GP1BA: variants seen among roughly 807,000 people sequenced by gnomAD.
GP1BA encodes glycoprotein Ib platelet subunit alpha.
A neutral mutation model predicts 5.6 loss-of-function variants in GP1BA; 3 were observed. That is an observed-to-expected ratio of 0.53 (90% CI 0.24 to 1.38). The LOEUF (loss-of-function observed/expected upper bound fraction) is 1.38, where lower values mean the gene tolerates loss of function less well. Ranked by LOEUF, GP1BA falls within the 40% of genes most tolerant of loss-of-function variation. The pLI is 0.16. For synonymous variants in GP1BA, 323 were observed against 358.3 expected (o/e 0.90, Z 1.11); for missense variants, 707 against 801.4 (o/e 0.88, Z 1.42).
Position 4,932,394 on chromosome 17 carries a change from G to A in GP1BA, c.-7+29G>A. On this transcript the variant is annotated intron_variant, in intron 1 of 1. Transcript: ENST00000329125. The surrounding 1 kb of genome is among the most constrained non-coding windows in gnomAD (Gnocchi z 4.8). ...AGCCGGGGTTGGTGCTGGGGCAGGA[G>A]AGGGGTCTGAGGGAGGGGAAAGAGC... 1 of 1,398,924 alleles carries A rather than the reference G, an allele frequency of 7.1e-7. No individual in the cohort carries two copies. 86.7% of individuals were successfully genotyped at this position (1,398,924 alleles called of 1,614,324 possible).
Position 4,932,553 on chromosome 17 carries a change from T to A in GP1BA, c.-6-46T>A. On this transcript the variant is annotated intron_variant, in intron 1 of 1. Coordinates refer to ENST00000329125, the MANE Select transcript of GP1BA (RefSeq NM_000173.7). The surrounding 1 kb of genome is among the most constrained non-coding windows in gnomAD (Gnocchi z 4.8). Reference sequence around the variant, plus strand: ...AGGGGGCTGGGGCCTGGGGGGATGCTTCCAGGGGATGCAGGGGGATCCACT... The same window carrying A: ...AGGGGGCTGGGGCCTGGGGGGATGCATCCAGGGGATGCAGGGGGATCCACT... 1 of 1,569,706 alleles carries A rather than the reference T, an allele frequency of 6.4e-7. No individual in the cohort carries two copies. Among genetic ancestry groups the A allele is most frequent in the Non-Finnish European group, 8.7e-7 (1 of 1,152,360 alleles).
At position 4,932,991 on chromosome 17, in the gene GP1BA, C is replaced by T; in HGVS notation, c.387C>T (p.Thr129=). Residue 129 remains threonine, a synonymous_variant, in exon 2 of 2, where the codon ACC becomes ACT. Coordinates refer to ENST00000329125, the MANE Select transcript of GP1BA (RefSeq NM_000173.7). The surrounding 1 kb of genome is among the most constrained non-coding windows in gnomAD (Gnocchi z 4.8). ...TVLDVSFNRL[T]SLPLGALRGL... ...TGGACGTCTCCTTCAACCGGCTGACCTCGCTGCCTCTTGGTGCCCTGCGTG... is the reference window on the plus strand; with the variant it reads ...TGGACGTCTCCTTCAACCGGCTGACTTCGCTGCCTCTTGGTGCCCTGCGTG... 6.2e-7 allele frequency: 1 copy of T among 1,614,018 alleles called. No individual in the cohort carries two copies. The highest frequency in any genetic ancestry group is 8.5e-7 in the Non-Finnish European group (1 of 1,179,886).
chr17:4,933,253 T>A lies in GP1BA; in HGVS notation c.649T>A (p.Phe217Ile). The A allele has an allele frequency of 1.2e-6, 2 of 1,613,990 alleles. No homozygotes were observed. Among genetic ancestry groups the A allele is most frequent in the Non-Finnish European group, 1.7e-6 (2 of 1,179,888 alleles). Reference sequence around the variant, plus strand: ...TGGGTCCCACCTCCTGCCTTTTGCTTTTCTCCACGGGAACCCCTGGTTATG... The same window carrying A: ...TGGGTCCCACCTCCTGCCTTTTGCTATTCTCCACGGGAACCCCTGGTTATG... ...FFGSHLLPFA[F>I]LHGNPWLCNC... Residue 217 changes from phenylalanine (F) to isoleucine (I), a missense_variant, in exon 2 of 2, where the codon TTT (phenylalanine) becomes ATT (isoleucine). Physicochemically the swap from Phe to Ile is conservative, Grantham distance 21 (BLOSUM62 0). Around this residue, in one of 3 missense-constraint regions of GP1BA, gnomAD observed 442 missense variants for 498.8 expected, o/e 0.89. Transcript: ENST00000329125.
rs749303308 is a variant in GP1BA at position 4,933,068 on chromosome 17, T to A, written c.464T>A (p.Leu155Gln). Residue 155 changes from leucine to glutamine, a missense_variant, in exon 2 of 2, where the codon CTG becomes CAG. Transcript: ENST00000329125. Reference sequence around the variant, plus strand: ...CTGAAAGGCAATGAGCTGAAGACCCTGCCCCCAGGGCTCCTGACGCCCACA... The same window carrying A: ...CTGAAAGGCAATGAGCTGAAGACCCAGCCCCCAGGGCTCCTGACGCCCACA... Reference protein sequence around the residue: ...LYLKGNELKTLPPGLLTPTPK... With the variant: ...LYLKGNELKTQPPGLLTPTPK... 6.2e-7 allele frequency: 1 copy of A among 1,614,014 alleles called. No individual in the cohort carries two copies. Among genetic ancestry groups the A allele is most frequent in the Non-Finnish European group, 8.5e-7 (1 of 1,179,902 alleles).
At position 4,932,560 on chromosome 17, in the gene GP1BA, G is replaced by T; in HGVS notation, c.-6-39G>T. 1 of 1,581,910 alleles carries T rather than the reference G, an allele frequency of 6.3e-7. No individual in the cohort carries two copies. The highest frequency in any genetic ancestry group is 8.6e-7 in the Non-Finnish European group (1 of 1,160,348). On this transcript the variant is annotated intron_variant, in intron 1 of 1. Coordinates refer to ENST00000329125, the MANE Select transcript of GP1BA (RefSeq NM_000173.7). The surrounding 1 kb of genome is among the most constrained non-coding windows in gnomAD (Gnocchi z 4.8). ...TGGGGCCTGGGGGGATGCTTCCAGG[G>T]GATGCAGGGGGATCCACTCAAGGCT...
chr17:4,932,805 G>C lies in GP1BA; in HGVS notation c.201G>C (p.Leu67=). 1 of 1,614,020 alleles carries C rather than the reference G, an allele frequency of 6.2e-7. No homozygotes were observed. The highest frequency in any genetic ancestry group is 1.1e-5 in the South Asian group (1 of 91,088). ...TGTACACCTTCTCCCTGGCAACCCT[G>C]ATGCCTTACACTCGCCTCACTCAGC... ...NLLYTFSLAT[L]MPYTRLTQLN... The change falls in exon 2 of 2, where the codon CTG becomes CTC. Residue 67 remains leucine, a synonymous_variant. Coordinates refer to ENST00000329125, the MANE Select transcript of GP1BA (RefSeq NM_000173.7). This position sits in a 1 kb window ranked among gnomAD's most constrained non-coding sequence, Gnocchi z 4.8.
rs1467616638 is a variant in GP1BA at position 4,932,472 on chromosome 17, G to A, written c.-7+107G>A. ...TTCTGCAGGCAAGGGTGGGAGATGG[G>A]AGTAGGGAGGACAGGAGGTGTGGAT... On this transcript the variant is annotated intron_variant, in intron 1 of 1. Transcript: ENST00000329125. The surrounding 1 kb of genome is among the most constrained non-coding windows in gnomAD (Gnocchi z 4.8). The A allele has an allele frequency of 5.4e-6, 7 of 1,285,698 alleles. No individual in the cohort carries two copies. The highest frequency in any genetic ancestry group is 4.5e-5 in the African/African-American group (3 of 66,358). The allele number at this position is 1,285,698 out of a possible 1,614,324, so 79.6% of individuals were successfully genotyped here. A position where few individuals can be genotyped will look rare whatever the true frequency, so the allele number is the denominator to read the frequency against.
chr17:4,934,439 G>A lies in GP1BA; in HGVS notation c.1835G>A (p.Trp612Ter). ...ACTTTCCGCTCCAGCCTCTTCCTGT[G>A]GGTACGGCCTAATGGCCGTGTGGGG... ...LPTFRSSLFL[W>*]VRPNGRVGPL... Residue 612 changes from tryptophan (W) to a stop codon, truncating the protein, a stop_gained, in exon 2 of 2, where the codon TGG becomes TAG. Transcript: ENST00000329125. LOFTEE classifies it high-confidence loss of function. 2 of 1,614,034 alleles carry A rather than the reference G, an allele frequency of 1.2e-6. No homozygotes were observed. The highest frequency in any genetic ancestry group is 1.7e-6 in the Non-Finnish European group (2 of 1,179,896).
In GP1BA at chr17:4,933,777, C is replaced by G. The variant is rs369052917; in HGVS notation, c.1173C>G (p.Pro391=). 4 of 1,613,570 alleles carry G rather than the reference C, an allele frequency of 2.5e-6. No individual in the cohort carries two copies. The highest frequency in any genetic ancestry group is 3.3e-4 in the Middle Eastern group (2 of 6,060). The part of the protein sequence containing the change: ...EPTPSPTTSE[P]VPEPAPNMTT... ...CCCCAAGCCCGACCACCTCAGAGCCCGTCCCGGAGCCCGCCCCAAACATGA... is the reference window on the plus strand; with the variant it reads ...CCCCAAGCCCGACCACCTCAGAGCCGGTCCCGGAGCCCGCCCCAAACATGA... Residue 391 remains proline (P), a synonymous_variant, in exon 2 of 2, where the codon CCC becomes CCG. Coordinates refer to ENST00000329125, the MANE Select transcript of GP1BA (RefSeq NM_000173.7).
rs748178518 is a variant in GP1BA, at chr17:4,932,928, G to A, written c.324G>A (p.Leu108=). 1.2e-6 allele frequency: 2 copies of A among 1,613,968 alleles called. No individual in the cohort carries two copies. The highest frequency in any genetic ancestry group is 2.2e-5 in the East Asian group (1 of 44,884). Residue 108 remains leucine (L), a synonymous_variant, in exon 2 of 2, where the codon CTG becomes CTA. Coordinates refer to ENST00000329125, the MANE Select transcript of GP1BA (RefSeq NM_000173.7). The surrounding 1 kb of genome is among the most constrained non-coding windows in gnomAD (Gnocchi z 4.8). ...LDLSHNQLQS[L]PLLGQTLPAL... ...TATCCCACAATCAGCTGCAAAGCCT[G>A]CCCTTGCTAGGGCAGACACTGCCTG...
chr17:4,934,033 A>C lies in GP1BA; in HGVS notation c.1429A>C (p.Thr477Pro), dbSNP rs1970386405. The C allele has an allele frequency of 1.2e-6, 2 of 1,613,338 alleles. No homozygotes were observed. Among genetic ancestry groups the C allele is most frequent in the Admixed American group, 3.3e-5 (2 of 59,954 alleles). The change falls in exon 2 of 2, where the codon ACA (threonine) becomes CCA (proline). Residue 477 changes from threonine to proline, a missense_variant. Coordinates refer to ENST00000329125, the MANE Select transcript of GP1BA (RefSeq NM_000173.7). ...CACAAGCCTGATCACTCCAAAAAGCACATTTTTAACTACCACAAAACCCGT... is the reference window on the plus strand; with the variant it reads ...CACAAGCCTGATCACTCCAAAAAGCCCATTTTTAACTACCACAAAACCCGT... ...SATSLITPKS[T>P]FLTTTKPVSL...
chr17:4,932,318 G>A lies in GP1BA; in HGVS notation c.-54G>A. On this transcript the variant is annotated 5_prime_UTR_variant, in exon 1 of 2. Coordinates refer to ENST00000329125, the MANE Select transcript of GP1BA (RefSeq NM_000173.7). The surrounding 1 kb of genome is among the most constrained non-coding windows in gnomAD (Gnocchi z 4.8). ...AGAAGAGAGAAGGACGGAGTCGAGT[G>A]GCACCCTAGAAGACGCTCTGTGCCT... 6 of 1,288,070 alleles carry A rather than the reference G, an allele frequency of 4.7e-6. No individual in the cohort carries two copies. Among genetic ancestry groups the A allele is most frequent in the Non-Finnish European group, 5.9e-6 (6 of 1,010,004 alleles). 79.8% of individuals were successfully genotyped at this position (1,288,070 alleles called of 1,614,324 possible).
rs1970356549 is a variant in GP1BA, at chr17:4,932,564, G to A, written c.-6-35G>A. 23 of 1,588,766 alleles carry A rather than the reference G, an allele frequency of 1.4e-5. No homozygotes were observed. Among genetic ancestry groups the A allele is most frequent in the Non-Finnish European group, 1.9e-5 (22 of 1,164,530 alleles). ...GCCTGGGGGGATGCTTCCAGGGGAT[G>A]CAGGGGGATCCACTCAAGGCTCCCT... On this transcript the variant is annotated intron_variant, in intron 1 of 1. Coordinates refer to ENST00000329125, the MANE Select transcript of GP1BA (RefSeq NM_000173.7). The surrounding 1 kb of genome is among the most constrained non-coding windows in gnomAD (Gnocchi z 4.8).
At position 4,934,433 on chromosome 17, in the gene GP1BA, T is replaced by A. The variant is rs748572162; in HGVS notation, c.1829T>A (p.Phe610Tyr). ...CTTCCCACTTTCCGCTCCAGCCTCTTCCTGTGGGTACGGCCTAATGGCCGT... is the reference window on the plus strand; with the variant it reads ...CTTCCCACTTTCCGCTCCAGCCTCTACCTGTGGGTACGGCCTAATGGCCGT... ...GSLPTFRSSL[F>Y]LWVRPNGRVG... Residue 610 changes from phenylalanine (F) to tyrosine (Y), a missense_variant, in exon 2 of 2, where the codon TTC becomes TAC. This residue lies in a region of GP1BA where 247 missense variants were observed against 246.6 expected (regional missense o/e 1.00). Coordinates refer to ENST00000329125, the MANE Select transcript of GP1BA (RefSeq NM_000173.7). 1 of 1,614,030 alleles carries A rather than the reference T, an allele frequency of 6.2e-7. No homozygotes were observed. Among genetic ancestry groups the A allele is most frequent in the Non-Finnish European group, 8.5e-7 (1 of 1,179,904 alleles).
chr17:4,932,728 C>T lies in GP1BA; in HGVS notation c.124C>T (p.Pro42Ser). The T allele has an allele frequency of 6.2e-7, 1 of 1,613,974 alleles. No homozygotes were observed. The highest frequency in any genetic ancestry group is 1.6e-4 in the Middle Eastern group (1 of 6,062). The change falls in exon 2 of 2, where the codon CCT (proline) becomes TCT (serine). Residue 42 changes from proline to serine, a missense_variant. Around this residue, in one of 3 missense-constraint regions of GP1BA, gnomAD observed 442 missense variants for 498.8 expected, o/e 0.89. Coordinates refer to ENST00000329125, the MANE Select transcript of GP1BA (RefSeq NM_000173.7). The surrounding 1 kb of genome is among the most constrained non-coding windows in gnomAD (Gnocchi z 4.8). ...NCDKRNLTAL[P>S]PDLPKDTTIL... ...TGACAAGAGGAATCTGACAGCGCTG[C>T]CTCCAGACCTGCCGAAAGACACAAC...
chr17:4,934,450 AATGG>A lies in GP1BA; in HGVS notation c.1847_1850del (p.Asn616ThrfsTer6). On this transcript the variant is annotated frameshift_variant, in exon 2 of 2. Coordinates refer to ENST00000329125, the MANE Select transcript of GP1BA (RefSeq NM_000173.7). LOFTEE classifies it high-confidence loss of function. ...CAGCCTCTTCCTGTGGGTACGGCCT[AATGG>A]CCGTGTGGGGCCTCTAGTGGCAGGA... 3 of 1,611,782 alleles carry A rather than the reference AATGG, an allele frequency of 1.9e-6. No individual in the cohort carries two copies. Among genetic ancestry groups the A allele is most frequent in the Non-Finnish European group, 2.5e-6 (3 of 1,177,866 alleles).
chr17:4,932,901 TC>T lies in GP1BA; in HGVS notation c.298del (p.Leu100TyrfsTer12). 1 of 1,613,920 alleles carries T rather than the reference TC, an allele frequency of 6.2e-7. No individual in the cohort carries two copies. Among genetic ancestry groups the T allele is most frequent in the South Asian group, 1.1e-5 (1 of 91,082 alleles). ...CGCTGCCAGTGCTGGGGACCCTGGA[TC>T]TATCCCACAATCAGCTGCAAAGCCT... The part of the protein sequence containing the change: ...GTLPVLGTLD[L>X]SHNQLQSLPL... On this transcript the variant is annotated frameshift_variant, in exon 2 of 2. Transcript: ENST00000329125. LOFTEE classifies it low-confidence loss of function (END_TRUNC). This position sits in a 1 kb window ranked among gnomAD's most constrained non-coding sequence, Gnocchi z 4.8.
chr17:4,934,585 TGA>T lies in GP1BA; in HGVS notation c.*27_*28del. On this transcript the variant is annotated 3_prime_UTR_variant, in exon 2 of 2. Transcript: ENST00000329125. The stretch of plus-strand genomic sequence containing the variant: ...CTGAGGGTGGGAGGTTTGGGGACCT[TGA>T]GAGAAGAGCCTGTGGGCTCTCCTAT... 6.2e-7 allele frequency: 1 copy of T among 1,611,430 alleles called. No individual in the cohort carries two copies. The highest frequency in any genetic ancestry group is 8.5e-7 in the Non-Finnish European group (1 of 1,178,692).
Position 4,934,679 on chromosome 17 carries a change from T to C in GP1BA, c.*116T>C, listed in dbSNP as rs923276042. Reference sequence around the variant, plus strand: ...GATAGGGAGGGGTCTTAGTTCCTTTTTCTGTATCAGAAGCCCTGTCTTCAC... The same window carrying C: ...GATAGGGAGGGGTCTTAGTTCCTTTCTCTGTATCAGAAGCCCTGTCTTCAC... On this transcript the variant is annotated 3_prime_UTR_variant, in exon 2 of 2. Transcript: ENST00000329125. The C allele has an allele frequency of 8.5e-6, 9 of 1,056,264 alleles. No homozygotes were observed. In the African/African-American group the frequency reaches 1.3e-4, roughly 15 times the overall value. 65.4% of individuals were successfully genotyped at this position (1,056,264 alleles called of 1,614,324 possible). A position where few individuals can be genotyped will look rare whatever the true frequency, so the allele number is the denominator to read the frequency against.
Sources: allele counts gnomAD v4.1 joint callset, GRCh38; gene constraint gnomAD v4.1.1; regional missense constraint gnomAD v4.1.1; non-coding constraint Gnocchi (gnomAD v3.1); transcripts MANE v1.5; gene names NCBI Gene and HGNC (gene_info 2026-07-23, HGNC 2026-07-21).